Variants in NTM observed in about 807,000 individuals in gnomAD.
NTM encodes IgLON family member 2.
In NTM, 13 loss-of-function variants were observed where a neutral mutation model predicts 42.1. The observed-to-expected ratio is 0.31, with a 90% CI of 0.20 to 0.49. The LOEUF (loss-of-function observed/expected upper bound fraction) is 0.49, where lower values mean the gene tolerates loss of function less well. Among genes scored for constraint, NTM ranks in the 20% least tolerant of loss-of-function variants. The probability of loss-of-function intolerance (pLI) is 0.99; values close to 1 mark genes in which losing one functional copy is unlikely to be tolerated. For synonymous variants in NTM, 187 were observed against 179.2 expected (o/e 1.04, Z -0.35); for missense variants, 373 against 452.8 (o/e 0.82, Z 1.60).
chr11:131,551,236 A>G (rs1267617590), intron 1 of NTM, among the ~76,000 whole-genome samples: 2 of 152,198 alleles, frequency 1.3e-5, no homozygotes, highest in Non-Finnish European at 2.9e-5. Context: ...GGGAGGACCC[A>G]AGGTGACCTT....
chr11:132,330,589 T>C (rs1341045531), intron 8 of NTM, among the ~76,000 whole-genome samples: 4 of 152,112 alleles, frequency 2.6e-5, no homozygotes, highest in Non-Finnish European at 5.9e-5. Flanking sequence ...AACTTGGAGC[T>C]GGAAGGGAAG....
intron 1 of NTM, 55 bp from the exon 2 acceptor site, chr11:131,911,509 C>A (rs779738476): frequency 6.2e-7 from 1 of 1,614,152 alleles, no homozygotes; most frequent in East Asian, 2.2e-5. Flanking sequence ...CCTGTTCCTG[C>A]CCTGGAAGTG....
At chr11:131,551,443 T>C (rs147288258) in intron 1 of NTM, among the ~76,000 whole-genome samples, 1 of 149,380 alleles carries the variant, frequency 6.7e-6, no homozygotes, top group African/African-American at 2.5e-5. Flanking sequence ...AAACGCACGA[T>C]TGCAATGAAC....
chr11:132,107,612 C>T (rs890748349), intron 2 of NTM, among the ~76,000 whole-genome samples: 1 of 151,902 alleles, frequency 6.6e-6, no homozygotes, highest in East Asian at 1.9e-4. Context: ...TCAAGTGATC[C>T]CCCTGCCTTG....
At chr11:131,529,137 G>A (rs1257423338) in intron 1 of NTM, among the ~76,000 whole-genome samples, 3 of 152,204 alleles carry the variant, frequency 2.0e-5, no homozygotes, top group Non-Finnish European at 4.4e-5. Flanking sequence ...CTAAACAGAT[G>A]TTTTGGACAG....
intron 1 of NTM, among the ~76,000 whole-genome samples, chr11:131,878,591 AAAAATATATATATATATATATATATATAT>A (rs60243238): frequency 0.039 from 1,154 of 29,674 alleles, 184 homozygotes; most frequent in East Asian, 0.12. Flanking sequence ...AAAAAAAAAA[AAAAATATATATATATATATATATATATAT>A]ATATATATAT....
chr11:131,652,783 T>A (rs2066664295), intron 1 of NTM, among the ~76,000 whole-genome samples: 1 of 152,128 alleles, frequency 6.6e-6, no homozygotes, highest in Non-Finnish European at 1.5e-5. Flanking sequence ...ATAGGATTGC[T>A]CCACGCTGCA....
At chr11:131,905,477 G>A (rs557529593) in intron 1 of NTM, among the ~76,000 whole-genome samples, 20 of 152,204 alleles carry the variant, frequency 1.3e-4, no homozygotes, top group Non-Finnish European at 2.2e-4. Flanking sequence ...GTCGTGTAGC[G>A]TCTGTGCTGT....
chr11:131,487,944 G>C (rs1187914616), intron 1 of NTM, among the ~76,000 whole-genome samples: 1 of 152,218 alleles, frequency 6.6e-6, no homozygotes, highest in Non-Finnish European at 1.5e-5. Context: ...GAAGGTGATA[G>C]AGTTGGTGGG....
intron 1 of NTM, among the ~76,000 whole-genome samples, chr11:131,371,381 T>G (rs376971907): frequency 6.6e-5 from 10 of 152,162 alleles, no homozygotes; most frequent in East Asian, 1.9e-4. Context: ...TCCTGTGAGG[T>G]TCTGGTCAGC....
intron 1 of NTM, among the ~76,000 whole-genome samples, chr11:131,895,919 CAAG>C (rs1345473794): frequency 1.3e-5 from 2 of 152,106 alleles, no homozygotes; most frequent in Admixed American, 1.3e-4. Context: ...GGCAACTTTC[CAAG>C]AAGAACGTCT....
chr11:131,441,854 A>G (rs1949651627), intron 1 of NTM, among the ~76,000 whole-genome samples: 1 of 152,150 alleles, frequency 6.6e-6, no homozygotes, highest in African/African-American at 2.4e-5. Context: ...GCTGGTGCTG[A>G]TGACTTACTT....
intron 4 of NTM, among the ~76,000 whole-genome samples, chr11:132,214,897 T>G (rs2083517723): frequency 6.6e-6 from 1 of 152,202 alleles, no homozygotes; most frequent in South Asian, 2.1e-4. Flanking sequence ...TCCAGTTTAG[T>G]TATCCCGGAT....
rs1565551801 is a variant in NTM, at chr11:131,789,540, AAGAAGAAAAGAAGAAGAAGAAGAAG to A, written c.83-122022_83-121998del. ...GAAGAAGAAGAAGAAGAAGAAGAAGAAGAAGAAAAGAAGAAGAAGAAGAAGAAGAAGAAGAAGAAGAAGAAGAAGA... is the reference window on the plus strand; with the variant it reads ...GAAGAAGAAGAAGAAGAAGAAGAAGAAAGAAGAAGAAGAAGAAGAAGAAGA... On this transcript the variant is annotated intron_variant, in intron 1 of 8. Transcript: ENST00000683400. Among the ~76,000 whole-genome samples the A allele has an allele frequency of 8.6e-4, 24 of 27,746 alleles. 7 individuals carry two copies. The highest frequency in any genetic ancestry group is 1.4e-3 in the East Asian group (1 of 738). The allele number at this position is 27,746 out of a possible 152,430, so 18.2% of individuals were successfully genotyped here. A position where few individuals can be genotyped will look rare whatever the true frequency, so the allele number is the denominator to read the frequency against.
chr11:131,757,757 G>A (rs966380156), intron 1 of NTM, among the ~76,000 whole-genome samples: 2 of 152,038 alleles, frequency 1.3e-5, no homozygotes, highest in African/African-American at 2.4e-5. Context: ...TATAAAAGCA[G>A]GATTCAAAGT....
intron 3 of NTM, among the ~76,000 whole-genome samples, chr11:132,148,242 G>C (rs2071016584): frequency 6.6e-6 from 1 of 152,216 alleles, no homozygotes. Context: ...GTATTACAAA[G>C]AGTGGAGTAG....
At chr11:131,506,570 G>A (rs1234946436) in intron 1 of NTM, among the ~76,000 whole-genome samples, 1 of 152,168 alleles carries the variant, frequency 6.6e-6, no homozygotes, top group Non-Finnish European at 1.5e-5. Context: ...CTGGCAGCCT[G>A]GGGGGCCCTC....
At chr11:132,242,545 T>G (rs1297879971) in intron 4 of NTM, among the ~76,000 whole-genome samples, 3 of 152,186 alleles carry the variant, frequency 2.0e-5, no homozygotes, top group African/African-American at 7.2e-5. Flanking sequence ...AGCAAAGAAA[T>G]TCTACTTCCC....
chr11:132,317,699 C>T (rs1565467306), intron 7 of NTM: 1 of 1,301,622 alleles, frequency 7.7e-7, no homozygotes, highest in East Asian at 5.6e-5. Context: ...AGGTCAGTAT[C>T]TTCCTTGCTT....
Sources: gnomAD v4.1 joint callset for allele counts (sites outside exome capture counted in the v4.1 genomes callset) on GRCh38, gnomAD v4.1.1 for gene constraint, MANE v1.5 for transcripts, NCBI Gene and HGNC (gene_info 2026-07-23, HGNC 2026-07-21) for gene names.